The following HOOK2 variants were observed in gnomAD, a reference collection of about 807,000 sequenced individuals.
The protein encoded by HOOK2 is hook microtubule tethering protein 2, also known as protein Hook homolog 2.
A neutral mutation model predicts 111.9 loss-of-function variants in HOOK2; 108 were observed. That is an observed-to-expected ratio of 0.96 (90% CI 0.83 to 1.13). HOOK2 has a LOEUF of 1.13. Ranked by LOEUF, HOOK2 falls within the 50% of genes most tolerant of loss-of-function variation. HOOK2 has a pLI of 0.00. For synonymous variants in HOOK2, 405 were observed against 394.3 expected, an observed-to-expected ratio of 1.03 and a Z score of -0.32; for missense variants, 978 against 951.3, an observed-to-expected ratio of 1.03 and a Z score of -0.37.
chr19:12,788,752 G>A (rs1043541115), intron 3 of HOOK2, among the ~76,000 whole-genome samples: 9 of 152,216 alleles, frequency 5.9e-5, no homozygotes, highest in Non-Finnish European at 1.2e-4. Flanking sequence ...GCGCCCCCGC[G>A]GGGCCCAGCC....
intron 3 of HOOK2, 133 bp from the exon 4 acceptor site, chr19:12,773,177 AG>A: frequency 1.4e-6 from 1 of 698,806 alleles, no homozygotes; most frequent in Non-Finnish European, 2.4e-6. Context: ...GCCTTCCTCT[AG>A]GGGTGACCTG....
In HOOK2 at chr19:12,774,902, G is replaced by A. The variant is rs770226962; in HGVS notation, c.46-5C>T. ...CGGAACGTGGAACGTCTGTAACTGA[G>A]GGGTAAAGGAAAGGACAAGGAAAGA... On this transcript the variant is annotated splice_region_variant and splice_polypyrimidine_tract_variant and intron_variant, in intron 1 of 22. Transcript: ENST00000397668. 3 of 1,612,636 alleles carry A rather than the reference G, an allele frequency of 1.9e-6. No homozygotes were observed. Among genetic ancestry groups the A allele is most frequent in the Non-Finnish European group, 2.5e-6 (3 of 1,179,290 alleles).
rs538885544 is a variant in HOOK2, at chr19:12,771,433, G to C, written c.564C>G (p.Asp188Glu). ...GATCCAGACAGCGCTGCTGTAATTCGTCCCCCTCCTCAGCCTCCTCACTTA... is the reference window on the plus strand; with the variant it reads ...GATCCAGACAGCGCTGCTGTAATTCCTCCCCCTCCTCAGCCTCCTCACTTA... ...YFLSEEAEEGDELQQRCLDLE... is the reference protein window; with the variant it reads ...YFLSEEAEEGEELQQRCLDLE... The change falls in exon 8 of 23, where the codon GAC becomes GAG. Residue 188 changes from aspartate to glutamate, a missense_variant. Asp to Glu is a conservative substitution (Grantham distance 45). Coordinates refer to ENST00000397668, the MANE Select transcript of HOOK2 (RefSeq NM_013312.3). 6.2e-7 allele frequency: 1 copy of C among 1,613,534 alleles called. No homozygotes were observed. Among genetic ancestry groups the C allele is most frequent in the Non-Finnish European group, 8.5e-7 (1 of 1,179,832 alleles).
intron 3 of HOOK2, among the ~76,000 whole-genome samples, chr19:12,784,200 C>T (rs868042799): frequency 1.1e-4 from 17 of 152,224 alleles, no homozygotes; most frequent in African/African-American, 3.6e-4. Flanking sequence ...GTAAACATGG[C>T]CCAGGGTGAC....
At chr19:12,767,613 G>A (rs1282825789) in intron 13 of HOOK2, 149 bp from the exon 14 acceptor site, 16 of 864,426 alleles carry the variant, frequency 1.9e-5, no homozygotes, top group South Asian at 6.4e-5. Context: ...ATAGAGAACC[G>A]GGAGGGTTGG....
rs1443116362 is a variant in HOOK2, at chr19:12,763,403, T to A, written c.2039A>T (p.Glu680Val). The change falls in exon 23 of 23, where the codon GAG becomes GTG. Residue 680 changes from glutamate (E) to valine (V), a missense_variant. Physicochemically the swap from Glu to Val is moderately radical, Grantham distance 121. Transcript: ENST00000397668. Reference sequence around the variant, plus strand: ...CTGGGCATGGGCAGGCGCCCGCTCCTCCCCAGCTCGCTGCTGCAAGGCCAT... The same window carrying A: ...CTGGGCATGGGCAGGCGCCCGCTCCACCCCAGCTCGCTGCTGCAAGGCCAT... The part of the protein sequence containing the change: ...MGMALQQRAG[E>V]ERAPAHAQSF... 1.2e-6 allele frequency: 2 copies of A among 1,613,872 alleles called. No homozygotes were observed. The highest frequency in any genetic ancestry group is 1.7e-5 in the Admixed American group (1 of 60,004).
intron 3 of HOOK2, 26 bp downstream of exon 3, chr19:12,774,643 C>G: frequency 6.2e-7 from 1 of 1,612,756 alleles, no homozygotes; most frequent in Non-Finnish European, 8.5e-7. Flanking sequence ...ACCAGTCTGT[C>G]CTCTAATCAG....
intron 14 of HOOK2, among the ~76,000 whole-genome samples, chr19:12,766,974 C>T (rs1429516790): frequency 6.6e-6 from 1 of 152,192 alleles, no homozygotes; most frequent in African/African-American, 2.4e-5. Flanking sequence ...AGTGATCCTC[C>T]AGCTTCGGCC....
chr19:12,775,153 G>A, intron 1 of HOOK2: 2 of 979,100 alleles, frequency 2.0e-6, no homozygotes, highest in African/African-American at 1.7e-5. Flanking sequence ...CAGGCACCAC[G>A]TGACCAGGCC....
chr19:12,771,558 A>G, intron 7 of HOOK2, 81 bp from the exon 8 acceptor site: 1 of 1,171,400 alleles, frequency 8.5e-7, no homozygotes, highest in Non-Finnish European at 1.2e-6. Flanking sequence ...TAGAGGCCAA[A>G]TGGAGGGGGC....
intron 14 of HOOK2, 97 bp from the exon 15 acceptor site, chr19:12,766,337 TG>T: frequency 7.2e-7 from 1 of 1,389,788 alleles, no homozygotes; most frequent in Non-Finnish European, 9.5e-7. Context: ...GACAGAGCCC[TG>T]GGGAAGAGCC....
chr19:12,777,573 A>G (rs1225118857), upstream of HOOK2, among the ~76,000 whole-genome samples: 2 of 152,238 alleles, frequency 1.3e-5, no homozygotes, highest in Non-Finnish European at 2.9e-5. Context: ...AGAAGAGGTC[A>G]GTTAGACACA....
At chr19:12,773,099 G>A (rs1968385064) in intron 3 of HOOK2, 55 bp from the exon 4 acceptor site, 2 of 1,536,974 alleles carry the variant, frequency 1.3e-6, no homozygotes, top group East Asian at 4.5e-5. Context: ...CTCTGAATCT[G>A]TAGGTCCCAT....
At chr19:12,767,710 C>T in intron 13 of HOOK2, 106 bp downstream of exon 13, 1 of 1,079,746 alleles carries the variant, frequency 9.3e-7, no homozygotes, top group Non-Finnish European at 1.3e-6. Context: ...TCACCTCCAG[C>T]CTGGCCTAGC....
At chr19:12,770,729 G>T (rs528158891) in intron 10 of HOOK2, among the ~76,000 whole-genome samples, 1 of 151,758 alleles carries the variant, frequency 6.6e-6, no homozygotes, top group East Asian at 1.9e-4. Flanking sequence ...GTGGGGTCCA[G>T]GGGATATGGT....
intron 11 of HOOK2, among the ~76,000 whole-genome samples, chr19:12,768,640 A>AT (rs34815926): frequency 0.018 from 2,702 of 152,098 alleles, 84 homozygotes; most frequent in African/African-American, 0.062. Flanking sequence ...AAATTTAAAA[A>AT]TTTTTATTTT....
rs760001508 is a variant in HOOK2, at chr19:12,766,136, T to C, written c.1478A>G (p.Asn493Ser). ...EELQRHLEDA[N>S]RARHGLETQH... ...CGTCTCCAACCCGTGGCGCGCGCGG[T>C]TGGCATCCTCCAGGTGGCGCTGCAG... is the stretch of plus-strand genomic sequence containing the variant. The change falls in exon 15 of 23, where the codon AAC (asparagine) becomes AGC (serine). Residue 493 changes from asparagine (N) to serine (S), a missense_variant. By Grantham distance (46) the Asn-to-Ser change is conservative. This residue lies in a region of HOOK2 where 388 missense variants were observed against 358.3 expected (regional missense o/e 1.08). Transcript: ENST00000397668. 5.0e-6 allele frequency: 8 copies of C among 1,601,834 alleles called. No homozygotes were observed. The highest frequency in any genetic ancestry group is 1.7e-4 in the Middle Eastern group (1 of 5,984).
At position 12,767,435 on chromosome 19, in the gene HOOK2, C is replaced by G. The variant is rs35979347; in HGVS notation, c.1333G>C (p.Val445Leu). The G allele has an allele frequency of 2.4e-3, 3,809 of 1,614,010 alleles. 58 individuals are homozygous for G. In the East Asian group the frequency reaches 0.027, roughly 12 times the overall value. Residue 445 changes from valine (V) to leucine (L), a missense_variant, in exon 14 of 23, where the codon GTG (valine) becomes CTG (leucine). By Grantham distance (32) the Val-to-Leu change is conservative. Around this residue, in one of 5 missense-constraint regions of HOOK2, gnomAD observed 388 missense variants for 358.3 expected, o/e 1.08. Coordinates refer to ENST00000397668, the MANE Select transcript of HOOK2 (RefSeq NM_013312.3). ...AGGATCTCTGCGGCTAAGTTATCCA[C>G]GGGTGTGGAGGTGGGATCCAGTGAG... ...DPSLDPTSTP[V>L]DNLAAEILPA... is the part of the protein sequence containing the mutation.
At chr19:12,766,269 C>G (rs777348152) in intron 14 of HOOK2, 29 bp from the exon 15 acceptor site, 2 of 1,518,618 alleles carry the variant, frequency 1.3e-6, no homozygotes, top group Admixed American at 4.0e-5. Flanking sequence ...AGAGCAGGGC[C>G]AGGGTCGAGT....
Sources: allele counts gnomAD v4.1 joint callset (sites outside exome capture counted in the v4.1 genomes callset), GRCh38; gene constraint gnomAD v4.1.1; regional missense constraint gnomAD v4.1.1; transcripts MANE v1.5; gene names NCBI Gene and HGNC (gene_info 2026-07-23, HGNC 2026-07-21).